The following ATXN1 variants were observed in gnomAD, a reference collection of about 807,000 sequenced individuals.
ATXN1 encodes the protein ataxin-1.
A neutral mutation model predicts 56.4 loss-of-function variants in ATXN1; 8 were observed. The observed-to-expected ratio is 0.14, with a 90% CI of 0.08 to 0.26. The LOEUF (loss-of-function observed/expected upper bound fraction) is 0.26, where lower values mean the gene tolerates loss of function less well. Ranked by LOEUF, ATXN1 falls within the 10% of genes least tolerant of loss-of-function variation. The pLI is 1.00. For missense variants in ATXN1, 987 were observed against 1,106.5 expected (o/e 0.89, Z 1.53); for synonymous variants, 514 against 494.6 (o/e 1.04, Z -0.52).
At chr6:16,343,082 C>T (rs986219917) in intron 6 of ATXN1, among the ~76,000 whole-genome samples, 10 of 152,218 alleles carry the variant, frequency 6.6e-5, no homozygotes, top group Admixed American at 6.5e-5. Context: ...CGTTGGCTCA[C>T]GCCTGTAATC....
intron 6 of ATXN1, among the ~76,000 whole-genome samples, chr6:16,467,902 T>A (rs1760139043): frequency 6.6e-6 from 1 of 152,248 alleles, no homozygotes; most frequent in Non-Finnish European, 1.5e-5. Context: ...TTCCATTTAG[T>A]ACTTGTTTCC....
At chr6:16,477,869 TG>T in intron 6 of ATXN1, among the ~76,000 whole-genome samples, 1 of 152,300 alleles carries the variant, frequency 6.6e-6, no homozygotes. Context: ...GACACTCCCA[TG>T]ATACACTTAG....
At chr6:16,343,556 G>A (rs1761306776) in intron 6 of ATXN1, among the ~76,000 whole-genome samples, 1 of 152,044 alleles carries the variant, frequency 6.6e-6, no homozygotes. Flanking sequence ...ATCCGCAAAG[G>A]GGACTGTGAG....
intron 3 of ATXN1, among the ~76,000 whole-genome samples, chr6:16,588,766 G>C (rs1031407465): frequency 1.3e-5 from 2 of 152,154 alleles, no homozygotes; most frequent in African/African-American, 4.8e-5. Flanking sequence ...AATCTTCTGA[G>C]TGAATAAATG....
chr6:16,669,606 G>A (rs571562611), intron 2 of ATXN1, among the ~76,000 whole-genome samples: 109 of 150,440 alleles, frequency 7.2e-4, no homozygotes, highest in Non-Finnish European at 1.3e-3. Flanking sequence ...GTAAAGAATT[G>A]ATGTCCCTAT....
In ATXN1 at chr6:16,486,010, A is replaced by G. The variant is rs1177392064; in HGVS notation, c.-199T>C. 4 of 152,164 alleles carry G rather than the reference A, an allele frequency of 2.6e-5. No homozygotes were observed. The highest frequency in any genetic ancestry group is 5.9e-5 in the Non-Finnish European group (4 of 68,046). 9.4% of individuals were successfully genotyped at this position (152,164 alleles called of 1,614,324 possible). A position where few individuals can be genotyped will look rare whatever the true frequency, so the allele number is the denominator to read the frequency against. ...TACTGTTCACAGGTAGCCTCAGCCT[A>G]TACTTCACCATGGAGACTTCCCACA... On this transcript the variant is annotated 5_prime_UTR_variant, in exon 6 of 8. Transcript: ENST00000436367.
intron 6 of ATXN1, among the ~76,000 whole-genome samples, chr6:16,395,526 T>C (rs760189532): frequency 1.7e-4 from 26 of 152,144 alleles, no homozygotes; most frequent in Non-Finnish European, 3.5e-4. Context: ...AATAGTGTAA[T>C]ACATTACTCA....
At chr6:16,578,651 C>T (rs1199038164) in intron 4 of ATXN1, among the ~76,000 whole-genome samples, 2 of 152,010 alleles carry the variant, frequency 1.3e-5, no homozygotes, top group Admixed American at 1.3e-4. Context: ...ACAACACTAT[C>T]TTATGCAGGG....
At chr6:16,641,822 G>T (rs780886899) in intron 3 of ATXN1, among the ~76,000 whole-genome samples, 3 of 152,188 alleles carry the variant, frequency 2.0e-5, no homozygotes, top group Non-Finnish European at 4.4e-5. Flanking sequence ...TCCTGGAAAG[G>T]ATTCACCATT....
intron 4 of ATXN1, among the ~76,000 whole-genome samples, chr6:16,580,431 T>C (rs1473997770): frequency 6.6e-6 from 1 of 152,220 alleles, no homozygotes; most frequent in Non-Finnish European, 1.5e-5. Context: ...GCCCGCACTT[T>C]GAGTAGTATG....
At chr6:16,411,555 T>C in intron 6 of ATXN1, among the ~76,000 whole-genome samples, 1 of 146,688 alleles carries the variant, frequency 6.8e-6, no homozygotes, top group Non-Finnish European at 1.5e-5. Flanking sequence ...TCTTGAAGGT[T>C]AAAAAAAAAA....
At chr6:16,744,047 T>C (rs1225822510) in intron 2 of ATXN1, among the ~76,000 whole-genome samples, 1 of 152,170 alleles carries the variant, frequency 6.6e-6, no homozygotes, top group Non-Finnish European at 1.5e-5. Context: ...CAAATGTTCA[T>C]TTTGGCTTCA....
At chr6:16,653,009 C>T (rs1387760393) in intron 3 of ATXN1, 2 of 151,936 alleles carry the variant, frequency 1.3e-5, no homozygotes, top group Non-Finnish European at 2.9e-5. Flanking sequence ...AAGCAACAGC[C>T]AAATAAAAGA....
intron 6 of ATXN1, among the ~76,000 whole-genome samples, chr6:16,381,205 T>C (rs979049200): frequency 6.6e-6 from 1 of 152,058 alleles, no homozygotes; most frequent in African/African-American, 2.4e-5. Context: ...GAGAATCTCT[T>C]GAACCTGGGA....
chr6:16,497,783 A>T (rs1201209210), intron 5 of ATXN1, among the ~76,000 whole-genome samples: 1 of 152,160 alleles, frequency 6.6e-6, no homozygotes, highest in East Asian at 1.9e-4. Flanking sequence ...AGACCTTTCC[A>T]GGTCAGGTGT....
At chr6:16,398,506 G>A (rs573555425) in intron 6 of ATXN1, among the ~76,000 whole-genome samples, 8 of 152,108 alleles carry the variant, frequency 5.3e-5, no homozygotes, top group African/African-American at 1.9e-4. Flanking sequence ...ATTTCATGAG[G>A]GGGAAAACAA....
At chr6:16,466,369 G>T (rs1008652899) in intron 6 of ATXN1, among the ~76,000 whole-genome samples, 1 of 140,288 alleles carries the variant, frequency 7.1e-6, no homozygotes, top group Non-Finnish European at 1.5e-5. Flanking sequence ...TGTCAGGAGG[G>T]AACCCAAGAG....
At chr6:16,317,658 T>C (rs1760545283) in intron 7 of ATXN1, among the ~76,000 whole-genome samples, 1 of 152,102 alleles carries the variant, frequency 6.6e-6, no homozygotes, top group South Asian at 2.1e-4. Context: ...TTGAGGGCCC[T>C]CTGTCTTTCA....
intron 5 of ATXN1, among the ~76,000 whole-genome samples, chr6:16,486,946 AG>A (rs1206111801): frequency 2.6e-5 from 4 of 151,922 alleles, no homozygotes; most frequent in African/African-American, 4.8e-5. Context: ...CTGCTGGAAA[AG>A]GATTGGATAA....
Sources: allele counts gnomAD v4.1 joint callset (sites outside exome capture counted in the v4.1 genomes callset), GRCh38; gene constraint gnomAD v4.1.1; transcripts MANE v1.5; gene names NCBI Gene and HGNC (gene_info 2026-07-23, HGNC 2026-07-21).